SGCD: variants seen among roughly 807,000 people sequenced by gnomAD.
SGCD encodes delta-sarcoglycan.
In SGCD, 18 loss-of-function variants were observed where a neutral mutation model predicts 36.6. The ratio of observed to expected loss-of-function variants is 0.49; its 90% CI spans 0.34 to 0.73. The LOEUF (loss-of-function observed/expected upper bound fraction) is 0.73. Ranked by LOEUF, SGCD falls within the 30% of genes least tolerant of loss-of-function variation. The pLI is 0.01. For missense variants in SGCD, 387 were observed against 346.7 expected (o/e 1.12, Z -0.92); for synonymous variants, 133 against 130.6 (o/e 1.02, Z -0.12).
At chr5:156,413,133 T>A (rs1772858849) in intron 3 of SGCD, among the ~76,000 whole-genome samples, 1 of 152,200 alleles carries the variant, frequency 6.6e-6, no homozygotes, top group South Asian at 2.1e-4. Flanking sequence ...GGACACAGCC[T>A]TATAGAGTAA....
At chr5:156,404,844 G>C (rs970782632) in intron 3 of SGCD, among the ~76,000 whole-genome samples, 1 of 152,102 alleles carries the variant, frequency 6.6e-6, no homozygotes, top group Non-Finnish European at 1.5e-5. Context: ...CTAAGATGGC[G>C]GTCAAGATCC....
At chr5:155,751,348 G>C in the SGCD span, among the ~76,000 whole-genome samples, 1 of 152,152 alleles carries the variant, frequency 6.6e-6, no homozygotes, top group Non-Finnish European at 1.5e-5. Context: ...GTGTCTCAAA[G>C]TTACTGTGGA....
chr5:156,161,450 A>C lies in SGCD; in HGVS notation c.-44+37431A>C, dbSNP rs145017648. On this transcript the variant is annotated intron_variant, in intron 3 of 9. Transcript: ENST00000517913. ...TTACCGCTTTCCAGTCACAGGACTA[A>C]GAACTATATGTTTGCCCTTAGAGCA... Among the ~76,000 whole-genome samples the C allele has an allele frequency of 1.2e-3, 177 of 151,962 alleles. 1 individual carries two copies. Among genetic ancestry groups the C allele is most frequent in the Non-Finnish European group, 2.0e-3 (135 of 68,044 alleles).
intron 1 of SGCD, among the ~76,000 whole-genome samples, chr5:156,030,705 T>C (rs907223299): frequency 2.6e-5 from 4 of 151,874 alleles, no homozygotes; most frequent in Non-Finnish European, 5.9e-5. Context: ...GTCATTTCCA[T>C]AGGGGGTTGT....
chr5:156,220,215 A>G (rs903642339), intron 3 of SGCD, among the ~76,000 whole-genome samples: 14 of 152,184 alleles, frequency 9.2e-5, no homozygotes, highest in Admixed American at 2.0e-4. Flanking sequence ...ACCTTTATTA[A>G]TATGTATTTC....
chr5:156,055,901 A>T (rs1760045446), intron 1 of SGCD, among the ~76,000 whole-genome samples: 1 of 146,426 alleles, frequency 6.8e-6, no homozygotes, highest in South Asian at 2.1e-4. Flanking sequence ...AACAGAATGG[A>T]TAGGTAGAGT....
At chr5:155,857,221 C>A in the SGCD span, among the ~76,000 whole-genome samples, 1 of 152,052 alleles carries the variant, frequency 6.6e-6, no homozygotes, top group African/African-American at 2.4e-5. Context: ...TGGGCGACAG[C>A]GCAAGACTCC....
chr5:156,502,273 C>A (rs1192723285), intron 3 of SGCD, among the ~76,000 whole-genome samples: 1 of 152,104 alleles, frequency 6.6e-6, no homozygotes. Flanking sequence ...GTCTCGATCT[C>A]CTGACCTCGT....
intron 1 of SGCD, among the ~76,000 whole-genome samples, chr5:156,021,744 C>T (rs866832959): frequency 2.6e-5 from 4 of 151,976 alleles, no homozygotes; most frequent in Middle Eastern, 6.8e-3. Context: ...TGGTGTGAGC[C>T]GGAGCCTGGC....
At chr5:156,702,171 G>A (rs1393363323) in intron 7 of SGCD, among the ~76,000 whole-genome samples, 1 of 152,126 alleles carries the variant, frequency 6.6e-6, no homozygotes, top group Non-Finnish European at 1.5e-5. Context: ...ATTACAGGAT[G>A]CAATTGATAA....
At chr5:156,539,046 C>G (rs536064853) in intron 4 of SGCD, among the ~76,000 whole-genome samples, 2 of 152,096 alleles carry the variant, frequency 1.3e-5, no homozygotes, top group South Asian at 2.1e-4. Context: ...GAGATTCTGA[C>G]AGAAGGTGCC....
chr5:156,472,788 A>G lies in SGCD; in HGVS notation c.193-35813A>G, dbSNP rs369503570. Among the ~76,000 whole-genome samples, 5 of 152,318 alleles carry G rather than the reference A, an allele frequency of 3.3e-5. No homozygotes were observed. In the South Asian group the frequency reaches 6.2e-4, roughly 19 times the overall value. On this transcript the variant is annotated intron_variant, in intron 3 of 8. Transcript: ENST00000337851. ...AGAAACAAGACACCAAAGAATACAT[A>G]CTGTGTGATTCAATTTATATGAATT...
chr5:156,617,125 G>A (rs1230836269), intron 6 of SGCD, among the ~76,000 whole-genome samples: 3 of 152,130 alleles, frequency 2.0e-5, no homozygotes, highest in Admixed American at 2.0e-4. Context: ...AGGAAGTTTT[G>A]TCTCATAGAC....
At chr5:156,195,998 AC>A (rs1764016409) in intron 3 of SGCD, among the ~76,000 whole-genome samples, 1 of 151,560 alleles carries the variant, frequency 6.6e-6, no homozygotes, top group Non-Finnish European at 1.5e-5. Flanking sequence ...ACCTCACCCA[AC>A]CTCTGAAGGC....
intron 3 of SGCD, among the ~76,000 whole-genome samples, chr5:156,222,405 T>G (rs1291587893): frequency 5.3e-5 from 8 of 152,172 alleles, no homozygotes; most frequent in Admixed American, 3.9e-4. Flanking sequence ...TTTCACAGAC[T>G]TAAAATTTTT....
At chr5:155,920,004 A>G (rs1756834969) in intron 1 of SGCD, among the ~76,000 whole-genome samples, 1 of 152,132 alleles carries the variant, frequency 6.6e-6, no homozygotes, top group Admixed American at 6.5e-5. Flanking sequence ...ACAAAATGAA[A>G]ATATTGCATG....
chr5:156,334,101 T>C (rs1328059462), intron 2 of SGCD, among the ~76,000 whole-genome samples: 1 of 152,038 alleles, frequency 6.6e-6, no homozygotes, highest in Non-Finnish European at 1.5e-5. Flanking sequence ...TGATCTCAAG[T>C]GTTTGAGTCA....
intron 3 of SGCD, among the ~76,000 whole-genome samples, chr5:156,366,199 G>A (rs111731716): frequency 2.3e-3 from 348 of 152,286 alleles, no homozygotes; most frequent in African/African-American, 8.1e-3. Context: ...GAGGGCATGT[G>A]GAGTCTACGG....
intron 6 of SGCD, among the ~76,000 whole-genome samples, chr5:156,638,320 A>G (rs907481248): frequency 5.9e-5 from 9 of 151,962 alleles, no homozygotes; most frequent in Admixed American, 5.2e-4. Context: ...CACATTGTTC[A>G]TATTTATTCT....
Sources: allele counts gnomAD v4.1 joint callset (sites outside exome capture counted in the v4.1 genomes callset), GRCh38; gene constraint gnomAD v4.1.1; transcripts MANE v1.5; gene names NCBI Gene and HGNC (gene_info 2026-07-23, HGNC 2026-07-21).